KMT2C: variants seen among roughly 807,000 people sequenced by gnomAD.
The protein encoded by KMT2C is histone-lysine N-methyltransferase 2C.
KMT2C carries 88 observed loss-of-function variants against 507.9 expected under a neutral mutation model. The observed-to-expected ratio is 0.17, with a 90% CI of 0.15 to 0.21. The LOEUF (loss-of-function observed/expected upper bound fraction) is 0.21, where lower values mean the gene tolerates loss of function less well. KMT2C is among the 10% of genes least tolerant of loss of function. KMT2C has a pLI of 1.00. For missense variants in KMT2C, 4,954 were observed against 5,957.8 expected (o/e 0.83, Z 5.55); for synonymous variants, 2,049 against 2,080.8 (o/e 0.98, Z 0.42).
At chr7:152,237,398 G>C (rs529463497) in intron 15 of KMT2C, among the ~76,000 whole-genome samples, 3 of 152,242 alleles carry the variant, frequency 2.0e-5, no homozygotes, top group Admixed American at 2.0e-4. Context: ...TGCCACTCCT[G>C]TCTTCTCTTA....
chr7:152,416,612 T>C (rs2097739613), intron 1 of KMT2C, among the ~76,000 whole-genome samples: 1 of 149,716 alleles, frequency 6.7e-6, no homozygotes, highest in Admixed American at 6.7e-5. Context: ...TAATCCCAGC[T>C]ACTTGGGAGG....
intron 44 of KMT2C, 39 bp from the exon 45 acceptor site, chr7:152,156,385 G>A (rs761844513): frequency 1.9e-6 from 3 of 1,608,794 alleles, no homozygotes; most frequent in Non-Finnish European, 2.5e-6. Flanking sequence ...ATGCTACTGA[G>A]CGAATATGCA....
In KMT2C at chr7:152,181,689, A is replaced by G. The variant is rs778545263; in HGVS notation, c.6171T>C (p.Tyr2057=). The G allele has an allele frequency of 1.9e-6, 3 of 1,614,210 alleles. No homozygotes were observed. Among genetic ancestry groups the G allele is most frequent in the Admixed American group, 1.7e-5 (1 of 60,024 alleles). ...GCCTTGATGCCTGTGACACTGATCCATAAGGATCCTGAGAGGATGGAGGAG... is the reference window on the plus strand; with the variant it reads ...GCCTTGATGCCTGTGACACTGATCCGTAAGGATCCTGAGAGGATGGAGGAG... The part of the protein sequence containing the change: ...MQPPPSSQDP[Y]GSVSQASRRL... Residue 2057 remains tyrosine (Y), a synonymous_variant, in exon 36 of 59, where the codon TAT becomes TAC. Coordinates refer to ENST00000262189, the MANE Select transcript of KMT2C (RefSeq NM_170606.3).
rs62495522 is a variant in KMT2C at position 152,402,078 on chromosome 7, C to T, written c.161+33548G>A. Among the ~76,000 whole-genome samples, 691 of 151,528 alleles carry T rather than the reference C, an allele frequency of 4.6e-3. 1 individual carries two copies. Among genetic ancestry groups the T allele is most frequent in the Non-Finnish European group, 6.9e-3 (469 of 67,594 alleles). On this transcript the variant is annotated intron_variant, in intron 1 of 58. Coordinates refer to ENST00000262189, the MANE Select transcript of KMT2C (RefSeq NM_170606.3). ...CAAGCCGAGATCGCGCCATTGCACT[C>T]CAGCCTGGGCAACAAGAGTGAAACT...
rs1341706529 is a variant in KMT2C, at chr7:152,163,521, C to A, written c.10056G>T (p.Gln3352His). 1 of 1,612,922 alleles carries A rather than the reference C, an allele frequency of 6.2e-7. No homozygotes were observed. The highest frequency in any genetic ancestry group is 1.1e-5 in the South Asian group (1 of 90,974). ...TTATTGGTAACTGGGCAATTGGGGG[C>A]TGAATTCTAGGAGGATTGAGGGGCA... ...AHLPLNPPRI[Q>H]PPIAQLPIKT... The change falls in exon 43 of 59, where the codon CAG (glutamine) becomes CAT (histidine). Residue 3352 changes from glutamine to histidine, a missense_variant. Physicochemically the swap from Gln to His is conservative, Grantham distance 24. This residue lies in a region of KMT2C where 801 missense variants were observed against 751.2 expected (regional missense o/e 1.07). Coordinates refer to ENST00000262189, the MANE Select transcript of KMT2C (RefSeq NM_170606.3).
intron 1 of KMT2C, among the ~76,000 whole-genome samples, chr7:152,372,038 C>T (rs894885271): frequency 6.6e-6 from 1 of 151,990 alleles, no homozygotes; most frequent in African/African-American, 2.4e-5. Context: ...GAGAGGAAGA[C>T]TGGAACAAAG....
chr7:152,248,468 C>T lies in KMT2C; in HGVS notation c.1966G>A (p.Val656Ile), dbSNP rs750959766. Residue 656 changes from valine (V) to isoleucine (I), a missense_variant, in exon 14 of 59, where the codon GTT becomes ATT. Val to Ile is a conservative substitution (Grantham distance 29). This residue lies in a region of KMT2C where 376 missense variants were observed against 352.4 expected (regional missense o/e 1.07). Coordinates refer to ENST00000262189, the MANE Select transcript of KMT2C (RefSeq NM_170606.3). Reference protein sequence around the residue: ...KMEVTENIEVVTHQITVQQEQ... With the variant: ...KMEVTENIEVITHQITVQQEQ... ...TGCTGCACAGTGATCTGGTGTGTAACGACTTCAATGTTTTCTGTCACTTCC... is the reference window on the plus strand; with the variant it reads ...TGCTGCACAGTGATCTGGTGTGTAATGACTTCAATGTTTTCTGTCACTTCC... 8.7e-6 allele frequency: 14 copies of T among 1,613,928 alleles called. No homozygotes were observed. Among genetic ancestry groups the T allele is most frequent in the South Asian group, 2.2e-5 (2 of 91,080 alleles).
intron 2 of KMT2C, among the ~76,000 whole-genome samples, chr7:152,333,459 C>T (rs2096902901): frequency 6.6e-6 from 1 of 152,296 alleles, no homozygotes; most frequent in East Asian, 1.9e-4. Context: ...TTATTATCCA[C>T]ATTTCAACAA....
chr7:152,288,229 TAAA>T (rs36047379), intron 6 of KMT2C, among the ~76,000 whole-genome samples: 37 of 121,124 alleles, frequency 3.1e-4, no homozygotes, highest in African/African-American at 9.4e-4. Flanking sequence ...TGAACTGATT[TAAA>T]AAAAAAAAAA....
At chr7:152,306,727 G>A (rs775119779) in intron 6 of KMT2C, among the ~76,000 whole-genome samples, 2 of 152,198 alleles carry the variant, frequency 1.3e-5, no homozygotes, top group African/African-American at 2.4e-5. Flanking sequence ...AGCAAAGAAT[G>A]AGAGTACCTG....
At chr7:152,307,248 AGGAC>A (rs1554631753) in intron 6 of KMT2C, among the ~76,000 whole-genome samples, 5 of 116,980 alleles carry the variant, frequency 4.3e-5, no homozygotes, top group African/African-American at 8.5e-5. Flanking sequence ...GAAGGAAGGA[AGGAC>A]GGTAGGAAGG....
At position 152,177,720 on chromosome 7, in the gene KMT2C, G is replaced by C. The variant is rs868050217; in HGVS notation, c.7733C>G (p.Pro2578Arg). The change falls in exon 38 of 59, where the codon CCT becomes CGT. Residue 2578 changes from proline (P) to arginine (R), a missense_variant. Around this residue, in one of 29 missense-constraint regions of KMT2C, gnomAD observed 1,689 missense variants for 1,654.3 expected, o/e 1.02. Transcript: ENST00000262189. ...GRQRLPFSAP[P>R]GSVVEASSNL... ...AGAAGATGCCTCTACAACGCTGCCA[G>C]GTGGAGCACTGAAAGGCAGCCGTTG... 2 of 1,614,142 alleles carry C rather than the reference G, an allele frequency of 1.2e-6. No homozygotes were observed. The highest frequency in any genetic ancestry group is 1.1e-5 in the South Asian group (1 of 91,076).
intron 2 of KMT2C, among the ~76,000 whole-genome samples, chr7:152,346,142 T>C (rs1589335464): frequency 6.6e-6 from 1 of 152,324 alleles, no homozygotes; most frequent in East Asian, 1.9e-4. Flanking sequence ...AACCCACTAT[T>C]ATCGTTGGAA....
intron 1 of KMT2C, among the ~76,000 whole-genome samples, chr7:152,364,566 A>C (rs2097222154): frequency 6.7e-6 from 1 of 149,832 alleles, no homozygotes; most frequent in Non-Finnish European, 1.5e-5. Flanking sequence ...CCGAGATTAC[A>C]CCACTGCACT....
Position 152,151,597 on chromosome 7 carries a change from T to C in KMT2C, c.12527-16A>G. 1 of 1,610,742 alleles carries C rather than the reference T, an allele frequency of 6.2e-7. No homozygotes were observed. On this transcript the variant is annotated splice_polypyrimidine_tract_variant and intron_variant, in intron 49 of 58. Coordinates refer to ENST00000262189, the MANE Select transcript of KMT2C (RefSeq NM_170606.3). ...CCAGAAAGACCTAAAGGCAATCAAC[T>C]TTTGTTAGTAATTAAAACTGACTGA... is the stretch of plus-strand genomic sequence containing the variant.
chr7:152,330,763 A>G (rs915535937), intron 2 of KMT2C, 24 bp from the exon 3 acceptor site: 3 of 1,609,026 alleles, frequency 1.9e-6, no homozygotes, highest in African/African-American at 2.7e-5. Context: ...AACAAGAGAA[A>G]ACAAAGAGTC....
At chr7:152,386,948 G>A (rs2097434293) in intron 1 of KMT2C, among the ~76,000 whole-genome samples, 1 of 152,096 alleles carries the variant, frequency 6.6e-6, no homozygotes, top group African/African-American at 2.4e-5. Context: ...CTAACTTAGA[G>A]TAGATACATT....
chr7:152,156,692 A>C (rs1451224536), intron 44 of KMT2C, among the ~76,000 whole-genome samples: 1 of 152,216 alleles, frequency 6.6e-6, no homozygotes, highest in Non-Finnish European at 1.5e-5. Context: ...GCAATCAAGA[A>C]ATTGCAAAAT....
intron 2 of KMT2C, among the ~76,000 whole-genome samples, chr7:152,333,168 A>G (rs1387075140): frequency 2.0e-5 from 3 of 152,044 alleles, no homozygotes; most frequent in Non-Finnish European, 4.4e-5. Flanking sequence ...TGTTTTTGAG[A>G]AAAGGACTCA....
Sources: allele counts gnomAD v4.1 joint callset (sites outside exome capture counted in the v4.1 genomes callset), GRCh38; gene constraint gnomAD v4.1.1; regional missense constraint gnomAD v4.1.1; transcripts MANE v1.5; gene names NCBI Gene and HGNC (gene_info 2026-07-23, HGNC 2026-07-21).